JADE3: variants seen among roughly 807,000 people sequenced by gnomAD.
JADE3 encodes jade family PHD finger 3.
A neutral mutation model predicts 50.1 loss-of-function variants in JADE3; 2 were observed. That is an observed-to-expected ratio of 0.04 (90% confidence interval 0.02 to 0.13). The LOEUF (loss-of-function observed/expected upper bound fraction) is 0.13, where lower values mean the gene tolerates loss of function less well. JADE3 is among the 10% of genes least tolerant of loss of function. JADE3 has a pLI of 1.00. For synonymous variants in JADE3, 218 were observed against 232.9 expected (o/e 0.94, Z 0.58); for missense variants, 475 against 634.4 (o/e 0.75, Z 2.70).
Position 46,998,989 on chromosome X carries a change from G to A in JADE3, c.284+712G>A, listed in dbSNP as rs62591303. Among the ~76,000 whole-genome samples, 611 of 111,105 alleles carry A rather than the reference G, an allele frequency of 5.5e-3. 4 individuals carry two copies. The highest frequency in any genetic ancestry group is 7.6e-3 in the Non-Finnish European group (405 of 53,028). Reference sequence around the variant, plus strand: ...TGGGATTACAGGCCTGAGCCACCGCGCCTGGCCGAGTCTGTATAATTTATA... The same window carrying A: ...TGGGATTACAGGCCTGAGCCACCGCACCTGGCCGAGTCTGTATAATTTATA... On this transcript the variant is annotated intron_variant, in intron 4 of 10. Coordinates refer to ENST00000614628, the MANE Select transcript of JADE3 (RefSeq NM_014735.5).
intron 4 of JADE3, among the ~76,000 whole-genome samples, chrX:47,022,689 A>G (rs1244987950): frequency 8.9e-6 from 1 of 111,826 alleles, no homozygotes. Flanking sequence ...CTTTTTTTAG[A>G]TGGACCACCT....
At chrX:47,032,207 G>A (rs1190347521) in intron 6 of JADE3, among the ~76,000 whole-genome samples, 3 of 111,713 alleles carry the variant, frequency 2.7e-5, no homozygotes, top group Non-Finnish European at 5.6e-5. Context: ...AGATAGTGAA[G>A]TACAAGGAAC....
chrX:46,944,867 C>T (rs1428624220), intron 1 of JADE3, among the ~76,000 whole-genome samples: 5 of 109,576 alleles, frequency 4.6e-5, no homozygotes, highest in Non-Finnish European at 7.6e-5. Context: ...TGTTTAAGAC[C>T]GGGTCTCACT....
Position 46,935,897 on chromosome X carries a change from C to T in JADE3, c.-12+23178C>T, listed in dbSNP as rs184452558. On this transcript the variant is annotated intron_variant, in intron 1 of 10. Coordinates refer to ENST00000614628, the MANE Select transcript of JADE3 (RefSeq NM_014735.5). The stretch of plus-strand genomic sequence containing the variant: ...CCAGGCTGGAGTGCAGTGGCGTGAA[C>T]ACGGCTCACTGCAGCCTTGATCTCC... Among the ~76,000 whole-genome samples the T allele has an allele frequency of 3.2e-3, 302 of 94,100 alleles. 4 individuals carry two copies. The highest frequency in any genetic ancestry group is 0.012 in the African/African-American group (289 of 24,755). The allele number at this position is 94,100 out of a possible 115,157, so 81.7% of individuals were successfully genotyped here.
intron 7 of JADE3, among the ~76,000 whole-genome samples, chrX:47,037,320 A>T (rs1445492133): frequency 8.9e-6 from 1 of 111,766 alleles, no homozygotes; most frequent in Non-Finnish European, 1.9e-5. Flanking sequence ...TTTTTCAACA[A>T]TATCATGGTT....
At chrX:46,956,051 C>T (rs140367933) in intron 1 of JADE3, among the ~76,000 whole-genome samples, 192 of 111,659 alleles carry the variant, frequency 1.7e-3, no homozygotes, top group African/African-American at 5.5e-3. Context: ...CCACCCGTGG[C>T]CTTTTTTTGT....
intron 4 of JADE3, among the ~76,000 whole-genome samples, chrX:47,007,557 AG>A (rs1381555552): frequency 1.8e-5 from 2 of 111,279 alleles, no homozygotes; most frequent in African/African-American, 6.5e-5. Context: ...TTTACTATGC[AG>A]TCTACTTTAT....
At chrX:47,016,356 C>T (rs945100076) in intron 4 of JADE3, among the ~76,000 whole-genome samples, 1 of 111,909 alleles carries the variant, frequency 8.9e-6, no homozygotes, top group African/African-American at 3.3e-5. Flanking sequence ...CACTGTAACC[C>T]TGTAGTTGAT....
chrX:47,050,907 G>A (rs1412455631), intron 8 of JADE3, among the ~76,000 whole-genome samples: 1 of 112,215 alleles, frequency 8.9e-6, no homozygotes, highest in Non-Finnish European at 1.9e-5. Flanking sequence ...TTTTTCAAAC[G>A]TCTGACTAGT....
At chrX:46,947,029 T>TTTCTC (rs1926897149) in intron 1 of JADE3, among the ~76,000 whole-genome samples, 1 of 111,363 alleles carries the variant, frequency 9.0e-6, no homozygotes, top group Non-Finnish European at 1.9e-5. Flanking sequence ...TTTCTTTTCT[T>TTTCTC]TTCTCTTTGA....
At chrX:46,983,453 A>C (rs1008402786) in intron 1 of JADE3, among the ~76,000 whole-genome samples, 2 of 110,810 alleles carry the variant, frequency 1.8e-5, no homozygotes, top group Admixed American at 9.6e-5. Context: ...CCTCCATCCC[A>C]TGAGTTGGGG....
At chrX:46,917,397 T>C (rs1302472371) in intron 1 of JADE3, among the ~76,000 whole-genome samples, 2 of 111,433 alleles carry the variant, frequency 1.8e-5, no homozygotes, top group Non-Finnish European at 3.8e-5. Flanking sequence ...GCTAAGTGCT[T>C]AACTAACAGA....
chrX:46,984,083 A>G (rs1436471168), intron 1 of JADE3, among the ~76,000 whole-genome samples: 2 of 111,903 alleles, frequency 1.8e-5, no homozygotes, highest in African/African-American at 6.5e-5. Context: ...GTCACTGGCT[A>G]TATTGCTGTC....
intron 1 of JADE3, among the ~76,000 whole-genome samples, chrX:46,922,058 A>G (rs1926233458): frequency 9.3e-6 from 1 of 107,422 alleles, no homozygotes; most frequent in Admixed American, 1.0e-4. Flanking sequence ...TCCCAATGCT[A>G]TCCCTCCCCC....
chrX:47,004,232 G>T (rs1212746373), intron 4 of JADE3, among the ~76,000 whole-genome samples: 1 of 111,216 alleles, frequency 9.0e-6, no homozygotes, highest in Non-Finnish European at 1.9e-5. Flanking sequence ...AACCTCTCAT[G>T]ATATTTATAT....
At chrX:47,026,163 C>T (rs1439885793) in intron 5 of JADE3, among the ~76,000 whole-genome samples, 1 of 111,718 alleles carries the variant, frequency 9.0e-6, no homozygotes, top group South Asian at 3.8e-4. Context: ...GGATTCATGG[C>T]TCAATGTGCG....
At chrX:46,976,679 C>T (rs2187789) in intron 1 of JADE3, among the ~76,000 whole-genome samples, 43,777 of 110,838 alleles carry the variant, frequency 0.39, 7,002 homozygotes, top group Non-Finnish European at 0.5. Flanking sequence ...ACAGTTACTC[C>T]AGGATTACAC....
chrX:47,003,647 T>A (rs916335704), intron 4 of JADE3, among the ~76,000 whole-genome samples: 5 of 100,620 alleles, frequency 5.0e-5, no homozygotes, highest in Admixed American at 1.2e-4. Context: ...AGATATAAAT[T>A]TATATATATA....
intron 4 of JADE3, among the ~76,000 whole-genome samples, chrX:47,002,395 A>G (rs183729945): frequency 3.6e-5 from 4 of 111,441 alleles, no homozygotes; most frequent in African/African-American, 9.7e-5. Flanking sequence ...TTCAAATTTT[A>G]TAATAAGCTT....
Sources: allele counts gnomAD v4.1 joint callset (sites outside exome capture counted in the v4.1 genomes callset), GRCh38; gene constraint gnomAD v4.1.1; transcripts MANE v1.5; gene names NCBI Gene and HGNC (gene_info 2026-07-23, HGNC 2026-07-21).